The following FAM171A1 variants were observed in gnomAD, a reference collection of about 807,000 sequenced individuals.
FAM171A1 encodes the protein protein FAM171A1.
Under a neutral mutation model 74.9 loss-of-function variants are expected in FAM171A1, and 23 were observed. That is an observed-to-expected ratio of 0.31 (90% CI 0.22 to 0.44). FAM171A1 has a LOEUF of 0.44. Among genes scored for constraint, FAM171A1 ranks in the 20% least tolerant of loss-of-function variants. FAM171A1 has a pLI of 1.00. For synonymous variants in FAM171A1, 527 were observed against 505.7 expected (o/e 1.04, Z -0.57); for missense variants, 1,162 against 1,159.2 (o/e 1.00, Z -0.03).
chr10:15,290,008 T>C (rs1352986623), intron 1 of FAM171A1, among the ~76,000 whole-genome samples: 2 of 151,978 alleles, frequency 1.3e-5, no homozygotes, highest in East Asian at 3.9e-4. Context: ...GGCGGGCGGG[T>C]CACGAGGTCA....
chr10:15,252,363 T>G (rs1433116903), intron 4 of FAM171A1, among the ~76,000 whole-genome samples: 1 of 152,202 alleles, frequency 6.6e-6, no homozygotes, highest in Non-Finnish European at 1.5e-5. Flanking sequence ...TCTGTTTCCA[T>G]CCACCTTCAC....
At chr10:15,337,256 C>T (rs928821617) in intron 1 of FAM171A1, among the ~76,000 whole-genome samples, 1 of 152,110 alleles carries the variant, frequency 6.6e-6, no homozygotes, top group African/African-American at 2.4e-5. Flanking sequence ...GGATAAATCC[C>T]TAAAAAAGAA....
Position 15,371,126 on chromosome 10 carries a change from G to T in FAM171A1, c.-74C>A. 1 of 614,842 alleles carries T rather than the reference G, an allele frequency of 1.6e-6. No homozygotes were observed. The highest frequency in any genetic ancestry group is 2.0e-6 in the Non-Finnish European group (1 of 495,200). The allele number at this position is 614,842 out of a possible 1,614,324, so 38.1% of individuals were successfully genotyped here. A position where few individuals can be genotyped will look rare whatever the true frequency, so the allele number is the denominator to read the frequency against. On this transcript the variant is annotated 5_prime_UTR_variant, in exon 1 of 8. Transcript: ENST00000378116. ...GCGGCGGCGCGTCACGGGCGGCCGG[G>T]CGCCGCGCCCCCCTCCATGTCGCTG...
intron 3 of FAM171A1, among the ~76,000 whole-genome samples, chr10:15,258,398 A>G (rs1295858601): frequency 6.6e-6 from 1 of 151,992 alleles, no homozygotes; most frequent in Non-Finnish European, 1.5e-5. Context: ...CCAAGCCTCT[A>G]ATTTAACTTT....
At chr10:15,251,480 G>A (rs1834507684) in intron 4 of FAM171A1, among the ~76,000 whole-genome samples, 1 of 149,772 alleles carries the variant, frequency 6.7e-6, no homozygotes, top group Non-Finnish European at 1.5e-5. Context: ...TTGGCTCACT[G>A]CAGCCTCTGC....
At chr10:15,257,564 A>G (rs1294669455) in intron 3 of FAM171A1, among the ~76,000 whole-genome samples, 1 of 152,166 alleles carries the variant, frequency 6.6e-6, no homozygotes, top group Non-Finnish European at 1.5e-5. Flanking sequence ...GTCCCTGGCC[A>G]GACATCCAGG....
At chr10:15,254,998 A>C in intron 3 of FAM171A1, 119 bp from the exon 4 acceptor site, 3 of 816,122 alleles carry the variant, frequency 3.7e-6, no homozygotes, top group Non-Finnish European at 5.8e-6. Context: ...GCTCCCTCTC[A>C]CAAGGCCTCC....
At chr10:15,269,516 C>T (rs1419375749) in intron 3 of FAM171A1, among the ~76,000 whole-genome samples, 1 of 152,166 alleles carries the variant, frequency 6.6e-6, no homozygotes, top group Non-Finnish European at 1.5e-5. Flanking sequence ...AGCACAGTCC[C>T]TCAAACCTTC....
chr10:15,268,402 C>G (rs531784010), intron 3 of FAM171A1, among the ~76,000 whole-genome samples: 4 of 152,112 alleles, frequency 2.6e-5, no homozygotes, highest in African/African-American at 4.8e-5. Context: ...CCAACCTCAT[C>G]AAAAGAATGA....
At chr10:15,374,397 C>T (rs2131902183), upstream of FAM171A1, among the ~76,000 whole-genome samples, 3 of 152,320 alleles carry the variant, frequency 2.0e-5, 1 homozygote, top group South Asian at 6.2e-4. Context: ...GTAAGGAACA[C>T]AGATTCTGCT....
At chr10:15,262,197 T>C (rs905106272) in intron 3 of FAM171A1, among the ~76,000 whole-genome samples, 3 of 152,134 alleles carry the variant, frequency 2.0e-5, no homozygotes, top group Non-Finnish European at 4.4e-5. Context: ...AAGTGAAAGA[T>C]TCCGATTTGT....
intron 5 of FAM171A1, among the ~76,000 whole-genome samples, chr10:15,235,254 A>G (rs1454117866): frequency 1.5e-5 from 2 of 130,186 alleles, no homozygotes; most frequent in Admixed American, 9.3e-5. Context: ...GTGGGCCGAG[A>G]TTGCGCCACT....
intron 5 of FAM171A1, among the ~76,000 whole-genome samples, chr10:15,247,266 A>G (rs558644646): frequency 2.0e-5 from 3 of 152,296 alleles, no homozygotes; most frequent in East Asian, 3.9e-4. Flanking sequence ...TTATGTATAT[A>G]TTATTGGTTG....
intron 7 of FAM171A1, among the ~76,000 whole-genome samples, chr10:15,215,743 A>G (rs562751620): frequency 1.2e-4 from 18 of 152,304 alleles, no homozygotes; most frequent in South Asian, 1.0e-3. Context: ...AATAAATCAG[A>G]TGACTATTGT....
At chr10:15,310,556 C>G (rs548814642) in intron 1 of FAM171A1, among the ~76,000 whole-genome samples, 30 of 152,226 alleles carry the variant, frequency 2.0e-4, no homozygotes, top group Admixed American at 7.2e-4. Flanking sequence ...AACGAAAACT[C>G]CTTCTAGTAT....
chr10:15,327,980 G>A (rs1655598090), intron 1 of FAM171A1, among the ~76,000 whole-genome samples: 2 of 150,220 alleles, frequency 1.3e-5, no homozygotes, highest in South Asian at 2.1e-4. Context: ...TAGTAATCTC[G>A]GTCTAAAACT....
intron 1 of FAM171A1, among the ~76,000 whole-genome samples, chr10:15,365,282 G>A (rs1264483852): frequency 1.3e-5 from 2 of 152,198 alleles, no homozygotes; most frequent in African/African-American, 2.4e-5. Flanking sequence ...AAGCAGGAAT[G>A]CCGGGCTGCA....
At chr10:15,283,264 C>T (rs1470141239) in intron 2 of FAM171A1, among the ~76,000 whole-genome samples, 1 of 152,230 alleles carries the variant, frequency 6.6e-6, no homozygotes, top group Non-Finnish European at 1.5e-5. Flanking sequence ...ACCAACTGCT[C>T]TGTCACCAGC....
chr10:15,247,355 T>C (rs1834447851), intron 5 of FAM171A1, among the ~76,000 whole-genome samples: 1 of 152,042 alleles, frequency 6.6e-6, no homozygotes, highest in Admixed American at 6.6e-5. Context: ...CACTGTGACT[T>C]TGAATTCCTG....
Sources: allele counts gnomAD v4.1 joint callset (sites outside exome capture counted in the v4.1 genomes callset), GRCh38; gene constraint gnomAD v4.1.1; transcripts MANE v1.5; gene names NCBI Gene and HGNC (gene_info 2026-07-23, HGNC 2026-07-21).